TESMIN: variants seen among roughly 807,000 people sequenced by gnomAD.
TESMIN encodes the protein testis expressed metallothionein like protein.
A neutral mutation model predicts 47.4 loss-of-function variants in TESMIN; 34 were observed. The ratio of observed to expected loss-of-function variants is 0.72; its 90% CI spans 0.55 to 0.96. The LOEUF (loss-of-function observed/expected upper bound fraction) is 0.96. Among genes scored for constraint, TESMIN ranks in the 40% least tolerant of loss-of-function variants. TESMIN has a pLI of 0.00. For missense variants in TESMIN, 610 were observed against 637.2 expected, an observed-to-expected ratio of 0.96 and a Z score of 0.46; for synonymous variants, 278 against 258.9, an observed-to-expected ratio of 1.07 and a Z score of -0.71.
At chr11:68,710,763 G>T in intron 9 of TESMIN, 111 bp downstream of exon 9, 2 of 1,082,396 alleles carry the variant, frequency 1.8e-6, no homozygotes, top group Non-Finnish European at 2.6e-6. Flanking sequence ...CCAAACACAC[G>T]CCCGCCCCTG....
chr11:68,731,176 C>T (rs1470096022), intron 6 of TESMIN, among the ~76,000 whole-genome samples: 1 of 152,172 alleles, frequency 6.6e-6, no homozygotes, highest in East Asian at 1.9e-4. Context: ...TGGAGGGAGA[C>T]AGACTATGGG....
chr11:68,713,082 G>A lies in TESMIN; in HGVS notation c.1158+188C>T, dbSNP rs75423182. On this transcript the variant is annotated intron_variant, in intron 8 of 9. Transcript: ENST00000255087. ...AAAGGAGCCCTCAGCAAATTGACCC[G>A]GTTCACAAAGCTCAGCTGTATTTGG... Among the ~76,000 whole-genome samples the A allele has an allele frequency of 9.7e-3, 1,478 of 152,266 alleles. 23 individuals are homozygous for A. The highest frequency in any genetic ancestry group is 0.034 in the African/African-American group (1,420 of 41,538).
In TESMIN at chr11:68,750,400, G is replaced by A. The variant is rs2153993662; in HGVS notation, c.261C>T (p.Asp87=). The A allele has an allele frequency of 6.6e-7, 1 of 1,519,252 alleles. No individual in the cohort carries two copies. Among genetic ancestry groups the A allele is most frequent in the South Asian group, 1.2e-5 (1 of 80,656 alleles). The allele number at this position is 1,519,252 out of a possible 1,614,324, so 94.1% of individuals were successfully genotyped here. A position where few individuals can be genotyped will look rare whatever the true frequency, so the allele number is the denominator to read the frequency against. Residue 87 remains aspartate, a synonymous_variant, in exon 2 of 10, where the codon GAC becomes GAT. Transcript: ENST00000255087. ...GQVKAKLAGG[D]SDGGELLGEY... Reference sequence around the variant, plus strand: ...CCCCGAGGAGCTCCCCGCCGTCGCTGTCGCCCCCCGCGAGCTTCGCCTTGA... The same window carrying A: ...CCCCGAGGAGCTCCCCGCCGTCGCTATCGCCCCCCGCGAGCTTCGCCTTGA...
chr11:68,743,291 T>C (rs1207801167), intron 4 of TESMIN, among the ~76,000 whole-genome samples: 1 of 147,086 alleles, frequency 6.8e-6, no homozygotes, highest in African/African-American at 2.5e-5. Context: ...CAGGCTAGAG[T>C]GCAGTAGTGC....
intron 6 of TESMIN, among the ~76,000 whole-genome samples, chr11:68,730,796 CA>C (rs111323065): frequency 0.2 from 19,279 of 96,844 alleles, 1,757 homozygotes; most frequent in African/African-American, 0.37. Flanking sequence ...GACTTTGTCT[CA>C]AAAAAAAAAA....
intron 3 of TESMIN, among the ~76,000 whole-genome samples, chr11:68,745,603 C>T (rs920697123): frequency 6.6e-6 from 1 of 152,260 alleles, no homozygotes; most frequent in African/African-American, 2.4e-5. Flanking sequence ...CTCCAACTGT[C>T]CTTTCCTGCC....
chr11:68,733,914 A>T (rs1343246748), intron 6 of TESMIN, among the ~76,000 whole-genome samples: 1 of 152,162 alleles, frequency 6.6e-6, no homozygotes, highest in African/African-American at 2.4e-5. Context: ...AAACACAGCC[A>T]CACATGCCCA....
intron 7 of TESMIN, among the ~76,000 whole-genome samples, chr11:68,713,994 G>T (rs1263419098): frequency 6.6e-6 from 1 of 152,112 alleles, no homozygotes; most frequent in Non-Finnish European, 1.5e-5. Flanking sequence ...CAACCGCTGG[G>T]CCATGCCTTT....
At position 68,746,438 on chromosome 11, in the gene TESMIN, A is replaced by G. The variant is rs148024445; in HGVS notation, c.630+770T>C. On this transcript the variant is annotated intron_variant, in intron 3 of 9. Coordinates refer to ENST00000255087, the MANE Select transcript of TESMIN (RefSeq NM_004923.3). The stretch of plus-strand genomic sequence containing the variant: ...CTAATGTTAGTGTACACCACAGCTA[A>G]ACCAAACTCATGACAGGCTCATTTT... Among the ~76,000 whole-genome samples the G allele has an allele frequency of 9.1e-3, 1,379 of 152,322 alleles. 8 individuals carry two copies. The highest frequency in any genetic ancestry group is 0.017 in the Admixed American group (257 of 15,300).
At chr11:68,747,451 G>T in intron 2 of TESMIN, 85 bp from the exon 3 acceptor site, 1 of 1,210,616 alleles carries the variant, frequency 8.3e-7, no homozygotes, top group Non-Finnish European at 1.2e-6. Flanking sequence ...TGAAATCTCA[G>T]TGATAAGTAG....
intron 6 of TESMIN, chr11:68,736,083 AC>A (rs1456760615): frequency 1.0e-6 from 1 of 985,182 alleles, no homozygotes; most frequent in African/African-American, 1.7e-5. Flanking sequence ...AACAAACTAC[AC>A]CACAACAAGA....
At chr11:68,714,775 G>A (rs1946116191) in intron 7 of TESMIN, among the ~76,000 whole-genome samples, 1 of 152,192 alleles carries the variant, frequency 6.6e-6, no homozygotes, top group Non-Finnish European at 1.5e-5. Flanking sequence ...GGCTATATTT[G>A]TAGGAAGGAA....
intron 9 of TESMIN, chr11:68,710,569 T>A (rs768357740): frequency 1.3e-5 from 4 of 317,514 alleles, no homozygotes; most frequent in Non-Finnish European, 1.7e-5. Context: ...GTGTCAGAAC[T>A]CTGCTAGCCC....
At chr11:68,729,736 G>C (rs1946305938) in intron 6 of TESMIN, among the ~76,000 whole-genome samples, 1 of 152,194 alleles carries the variant, frequency 6.6e-6, no homozygotes, top group Non-Finnish European at 1.5e-5. Flanking sequence ...GCAGTTTCTT[G>C]AGATGGAATC....
At chr11:68,709,742 T>G (rs1405095937) in intron 9 of TESMIN, among the ~76,000 whole-genome samples, 1 of 152,198 alleles carries the variant, frequency 6.6e-6, no homozygotes, top group Non-Finnish European at 1.5e-5. Flanking sequence ...CTGCTAACAC[T>G]GCAAGACGAG....
intron 6 of TESMIN, among the ~76,000 whole-genome samples, chr11:68,727,257 A>G (rs1040173373): frequency 3.9e-5 from 6 of 152,164 alleles, no homozygotes; most frequent in Non-Finnish European, 7.4e-5. Flanking sequence ...CCTTGCCAAC[A>G]TGGCGAAAAC....
chr11:68,742,297 T>A (rs1946466462), intron 5 of TESMIN, 21 bp downstream of exon 5: 7 of 1,467,308 alleles, frequency 4.8e-6, no homozygotes, highest in South Asian at 1.2e-5. Context: ...TTGTATTTTT[T>A]AAATTAAAAC....
chr11:68,739,184 T>G (rs1946427837), intron 5 of TESMIN, among the ~76,000 whole-genome samples: 1 of 152,270 alleles, frequency 6.6e-6, no homozygotes, highest in Non-Finnish European at 1.5e-5. Context: ...ATACAGATCT[T>G]GACATTTGAA....
chr11:68,712,428 A>G (rs1045547198), intron 8 of TESMIN, among the ~76,000 whole-genome samples: 1 of 152,182 alleles, frequency 6.6e-6, no homozygotes, highest in African/African-American at 2.4e-5. Flanking sequence ...CTCAAGCCCA[A>G]CCCTCTGTGA....
Sources: gnomAD v4.1 joint callset for allele counts (sites outside exome capture counted in the v4.1 genomes callset) on GRCh38, gnomAD v4.1.1 for gene constraint, MANE v1.5 for transcripts, NCBI Gene and HGNC (gene_info 2026-07-23, HGNC 2026-07-21) for gene names.